Variants in CCT6B observed in about 807,000 individuals in gnomAD.
The protein encoded by CCT6B is probable T-complex protein 1 subunit zeta-2.
CCT6B carries 49 observed loss-of-function variants against 61.5 expected under a neutral mutation model. The observed-to-expected ratio is 0.80, with a 90% confidence interval of 0.63 to 1.01. The LOEUF is 1.01. Among genes scored for constraint, CCT6B ranks in the 50% least tolerant of loss-of-function variants. The probability of loss-of-function intolerance (pLI) is 0.00; values close to 1 mark genes in which losing one functional copy is unlikely to be tolerated. For synonymous variants in CCT6B, 228 were observed against 214.5 expected, an observed-to-expected ratio of 1.06 and a Z score of -0.55; for missense variants, 666 against 634.7, an observed-to-expected ratio of 1.05 and a Z score of -0.53.
At chr17:34,939,795 A>T in intron 8 of CCT6B, 82 bp from the exon 9 acceptor site, 1 of 860,294 alleles carries the variant, frequency 1.2e-6, no homozygotes, top group South Asian at 1.4e-5. Context: ...TCTAATGCAG[A>T]AGACTGTATT....
Position 34,932,383 on chromosome 17 carries a change from A to G in CCT6B, c.1331T>C (p.Leu444Ser). 1.2e-6 allele frequency: 2 copies of G among 1,610,504 alleles called. No individual in the cohort carries two copies. The highest frequency in any genetic ancestry group is 1.7e-6 in the Non-Finnish European group (2 of 1,178,764). The stretch of plus-strand genomic sequence containing the variant: ...TAGTTGTACCTTGGGAATAATGAGT[A>G]AGGCATCAGCAAAAGCTTGGACTCC... ...RLGVQAFADA[L>S]LIIPKVLAQN... is the part of the protein sequence containing the mutation. Residue 444 changes from leucine (L) to serine (S), a missense_variant, in exon 11 of 14, where the codon TTA (leucine) becomes TCA (serine). Physicochemically the swap from Leu to Ser is moderately radical, Grantham distance 145. Coordinates refer to ENST00000314144, the MANE Select transcript of CCT6B (RefSeq NM_006584.4).
At chr17:34,958,076 C>T (rs1050490506) in intron 3 of CCT6B, among the ~76,000 whole-genome samples, 3 of 152,046 alleles carry the variant, frequency 2.0e-5, no homozygotes, top group Admixed American at 6.5e-5. Context: ...ATAATTCCAA[C>T]GAAAGGCATT....
At chr17:34,949,095 G>GGGAGGGAAAA (rs1555550302) in intron 5 of CCT6B, among the ~76,000 whole-genome samples, 6 of 86,352 alleles carry the variant, frequency 6.9e-5, no homozygotes, top group African/African-American at 1.5e-4. Context: ...GGGAGGGGAG[G>GGGAGGGAAAA]GAAAAGAAAA....
intron 5 of CCT6B, among the ~76,000 whole-genome samples, chr17:34,945,272 T>C (rs1457310322): frequency 6.6e-6 from 1 of 152,248 alleles, no homozygotes; most frequent in Non-Finnish European, 1.5e-5. Context: ...TACATACTTC[T>C]AGTGCAGACC....
intron 4 of CCT6B, among the ~76,000 whole-genome samples, chr17:34,952,512 C>T (rs976770701): frequency 2.0e-5 from 3 of 152,266 alleles, no homozygotes; most frequent in East Asian, 1.9e-4. Context: ...TAACAGGAAA[C>T]GTTAAAGTCT....
chr17:34,942,691 A>G lies in CCT6B; in HGVS notation c.726-48T>C, dbSNP rs771393439. 3.3e-6 allele frequency: 5 copies of G among 1,525,908 alleles called. No homozygotes were observed. The South Asian group carries it at 3.7e-5, about 11-fold the overall frequency. The allele number at this position is 1,525,908 out of a possible 1,614,324, so 94.5% of individuals were successfully genotyped here. On this transcript the variant is annotated intron_variant, in intron 6 of 13. Transcript: ENST00000314144. ...CTAGTAAAGGCAGGAGGAAAAAGGA[A>G]AAAAGATAGAAGTAGTCTACACCAA...
chr17:34,942,762 A>G, intron 6 of CCT6B, 34 bp downstream of exon 6: 1 of 1,529,812 alleles, frequency 6.5e-7, no homozygotes, highest in African/African-American at 1.4e-5. Flanking sequence ...TAGAAAAAAA[A>G]ATTCAAAAGT....
intron 9 of CCT6B, 133 bp from the exon 10 acceptor site, chr17:34,939,463 C>T (rs896814993): frequency 1.2e-5 from 10 of 849,492 alleles, no homozygotes; most frequent in East Asian, 2.7e-5. Context: ...TATATCTGAA[C>T]TCTTAACAAA....
chr17:34,933,766 A>G (rs919062242), intron 10 of CCT6B, among the ~76,000 whole-genome samples: 7 of 152,222 alleles, frequency 4.6e-5, no homozygotes, highest in African/African-American at 1.7e-4. Context: ...AGAGAAATTT[A>G]TATCACGAAA....
In CCT6B at chr17:34,927,910, T is replaced by C; in HGVS notation, c.*138A>G. On this transcript the variant is annotated 3_prime_UTR_variant, in exon 14 of 14. Coordinates refer to ENST00000314144, the MANE Select transcript of CCT6B (RefSeq NM_006584.4). ...TTCTTTATACCTTGATGAAATATTTTTGAGACTATTAAGACCCAAAAGACA... is the reference window on the plus strand; with the variant it reads ...TTCTTTATACCTTGATGAAATATTTCTGAGACTATTAAGACCCAAAAGACA... 3.8e-6 allele frequency: 2 copies of C among 526,330 alleles called. No homozygotes were observed. The highest frequency in any genetic ancestry group is 2.0e-5 in the African/African-American group (1 of 50,580). 32.6% of individuals were successfully genotyped at this position (526,330 alleles called of 1,614,324 possible).
chr17:34,949,077 G>GAGGGA (rs2090259187), intron 5 of CCT6B, among the ~76,000 whole-genome samples: 1 of 42,426 alleles, frequency 2.4e-5, no homozygotes, highest in Non-Finnish European at 5.6e-5. Flanking sequence ...AGGGGGAGGG[G>GAGGGA]AGGGGAGGGG....
At chr17:34,961,111 G>A (rs2090409743) in intron 1 of CCT6B, 146 bp downstream of exon 1, 2 of 1,051,846 alleles carry the variant, frequency 1.9e-6, no homozygotes, top group African/African-American at 1.6e-5. Context: ...TGCACCAGGC[G>A]AGAAATACCC....
intron 5 of CCT6B, among the ~76,000 whole-genome samples, chr17:34,946,114 C>T (rs2090220847): frequency 6.6e-6 from 1 of 152,212 alleles, no homozygotes; most frequent in Non-Finnish European, 1.5e-5. Context: ...TCAGCCCTCA[C>T]ATGGACTTAC....
intron 1 of CCT6B, among the ~76,000 whole-genome samples, chr17:34,960,282 C>T (rs2090397353): frequency 6.6e-6 from 1 of 152,164 alleles, no homozygotes; most frequent in Non-Finnish European, 1.5e-5. Context: ...CATACTTGAC[C>T]TTTCCCAATA....
At position 34,932,436 on chromosome 17, in the gene CCT6B, C is replaced by T. The variant is rs114022500; in HGVS notation, c.1278G>A (p.Lys426=). The change falls in exon 11 of 14, where the codon AAG becomes AAA. Residue 426 remains lysine (K), a synonymous_variant. Transcript: ENST00000314144. ...GACGAGCTCTTCCTTTTATACTGTTCTTATATGTAACAAGAGCTTCAGCCA... is the reference window on the plus strand; with the variant it reads ...GACGAGCTCTTCCTTTTATACTGTTTTTATATGTAACAAGAGCTTCAGCCA... The part of the protein sequence containing the change: ...VAMAEALVTY[K]NSIKGRARLG... The T allele has an allele frequency of 6.2e-7, 1 of 1,612,364 alleles. No homozygotes were observed. Among genetic ancestry groups the T allele is most frequent in the East Asian group, 2.2e-5 (1 of 44,808 alleles).
Position 34,942,900 on chromosome 17 carries a change from G to A in CCT6B, c.621C>T (p.Ile207=), listed in dbSNP as rs564766777. ...CACCATGATCCAAAACTAATCCTTG[G>A]ATCAACCTATTAAAAATATTAATGT... The part of the protein sequence containing the change: ...KHKLGTDTKL[I]QGLVLDHGAR... Residue 207 remains isoleucine (I), a synonymous_variant, in exon 6 of 14, where the codon ATC becomes ATT. Transcript: ENST00000314144. 1.1e-5 allele frequency: 18 copies of A among 1,571,370 alleles called. No individual in the cohort carries two copies. The Admixed American group carries it at 1.6e-4, about 14-fold the overall frequency.
intron 8 of CCT6B, among the ~76,000 whole-genome samples, 165 bp downstream of exon 8, chr17:34,940,374 T>G (rs1430815092): frequency 3.3e-5 from 5 of 152,244 alleles, no homozygotes; most frequent in Non-Finnish European, 7.3e-5. Context: ...ACAACCTTGC[T>G]TTTTGACAGT....
chr17:34,939,344 C>A lies in CCT6B; in HGVS notation c.1066-14G>T, dbSNP rs1335423360. The stretch of plus-strand genomic sequence containing the variant: ...CTTTTCTTCACCCTAAAGGGTGGCA[C>A]AAAAATATATAACTTTAATATTTGA... On this transcript the variant is annotated splice_polypyrimidine_tract_variant and intron_variant, in intron 9 of 13. Coordinates refer to ENST00000314144, the MANE Select transcript of CCT6B (RefSeq NM_006584.4). 1 of 1,592,466 alleles carries A rather than the reference C, an allele frequency of 6.3e-7. No individual in the cohort carries two copies.
At chr17:34,939,366 T>C (rs373049805) in intron 9 of CCT6B, 36 bp from the exon 10 acceptor site, 1 of 1,529,872 alleles carries the variant, frequency 6.5e-7, no homozygotes, top group South Asian at 1.2e-5. Flanking sequence ...ACTTTAATAT[T>C]TGATGTCATT....
Sources: allele counts gnomAD v4.1 joint callset (sites outside exome capture counted in the v4.1 genomes callset), GRCh38; gene constraint gnomAD v4.1.1; transcripts MANE v1.5; gene names NCBI Gene and HGNC (gene_info 2026-07-23, HGNC 2026-07-21).